GYG1: variants seen among roughly 807,000 people sequenced by gnomAD.
The protein encoded by GYG1 is glycogenin 1.
GYG1 carries 44 observed loss-of-function variants against 41.9 expected under a neutral mutation model. The observed-to-expected ratio is 1.05, with a 90% CI of 0.83 to 1.35. The LOEUF (loss-of-function observed/expected upper bound fraction) is 1.35, where lower values mean the gene tolerates loss of function less well. Ranked by LOEUF, GYG1 falls within the 40% of genes most tolerant of loss-of-function variation. The pLI, the probability that GYG1 is intolerant of heterozygous loss-of-function variation, is 0.00. For synonymous variants in GYG1, 141 were observed against 158.1 expected, an observed-to-expected ratio of 0.89 and a Z score of 0.81; for missense variants, 429 against 418.9, an observed-to-expected ratio of 1.02 and a Z score of -0.21.
Position 149,026,599 on chromosome 3 carries a change from T to C in GYG1, c.879+97T>C. 2.9e-6 allele frequency: 3 copies of C among 1,023,746 alleles called. No homozygotes were observed. The South Asian group carries it at 3.9e-5, about 13-fold the overall frequency. 63.4% of individuals were successfully genotyped at this position (1,023,746 alleles called of 1,614,324 possible). On this transcript the variant is annotated intron_variant, in intron 7 of 7. Coordinates refer to ENST00000345003, the MANE Select transcript of GYG1 (RefSeq NM_004130.4). ...ATTTTGTTAGGAAAAAATCATATAA[T>C]CTATATTTTTGTGTCTTTTTTGTTT...
chr3:149,008,983 C>T (rs1713562788), intron 4 of GYG1: 6 of 332,468 alleles, frequency 1.8e-5, no homozygotes, highest in South Asian at 1.5e-4. Context: ...CACGGTGAAA[C>T]CCCATCTCTA....
In GYG1 at chr3:148,991,570, C is replaced by G. The variant is rs1487488474; in HGVS notation, c.-71C>G. ...GCCGTGCCTCCTCGCTGGCCGCGCTCCCTCCCGGTGCCGGCTTCTCTGAGT... is the reference window on the plus strand; with the variant it reads ...GCCGTGCCTCCTCGCTGGCCGCGCTGCCTCCCGGTGCCGGCTTCTCTGAGT... On this transcript the variant is annotated 5_prime_UTR_variant, in exon 1 of 8. Transcript: ENST00000345003. The G allele has an allele frequency of 5.2e-6, 8 of 1,533,088 alleles. No individual in the cohort carries two copies. The highest frequency in any genetic ancestry group is 1.4e-5 in the African/African-American group (1 of 72,162). The allele number at this position is 1,533,088 out of a possible 1,614,324, so 95.0% of individuals were successfully genotyped here.
chr3:149,007,419 T>C (rs16861273), intron 4 of GYG1, among the ~76,000 whole-genome samples: 3,071 of 152,338 alleles, frequency 0.02, 108 homozygotes, highest in African/African-American at 0.07. Context: ...TTGTTCGTCC[T>C]TTGAGGAACA....
intron 5 of GYG1, among the ~76,000 whole-genome samples, chr3:149,017,112 A>T (rs1008528489): frequency 1.8e-4 from 27 of 152,228 alleles, no homozygotes; most frequent in African/African-American, 6.3e-4. Context: ...AGTCTCATCC[A>T]CATGTTACTG....
intron 5 of GYG1, among the ~76,000 whole-genome samples, chr3:149,020,314 T>C (rs1222084245): frequency 6.6e-6 from 1 of 152,236 alleles, no homozygotes; most frequent in Non-Finnish European, 1.5e-5. Flanking sequence ...AAATTAATTG[T>C]CCATAGGCAG....
intron 5 of GYG1, among the ~76,000 whole-genome samples, chr3:149,022,582 G>A (rs750777992): frequency 5.2e-5 from 7 of 133,386 alleles, no homozygotes; most frequent in South Asian, 2.4e-4. Context: ...TGCAACCTCC[G>A]ACTCCCGGGT....
At chr3:149,011,137 C>A (rs1269238315) in intron 5 of GYG1, among the ~76,000 whole-genome samples, 1 of 152,192 alleles carries the variant, frequency 6.6e-6, no homozygotes, top group Admixed American at 6.5e-5. Flanking sequence ...AACACACCAA[C>A]TGTGTTCTGA....
At position 148,996,479 on chromosome 3, in the gene GYG1, G is replaced by T; in HGVS notation, c.318+3G>T. 6.2e-7 allele frequency: 1 copy of T among 1,612,098 alleles called. No homozygotes were observed. Reference sequence around the variant, plus strand: ...TATTCATGGATGCAGATACTCTGGTGAGTGTGGCTTTGAGGGTAGAAAAGA... The same window carrying T: ...TATTCATGGATGCAGATACTCTGGTTAGTGTGGCTTTGAGGGTAGAAAAGA... On this transcript the variant is annotated splice_donor_region_variant and intron_variant, in intron 3 of 7. Transcript: ENST00000345003.
At chr3:149,010,029 C>A (rs1713628256) in intron 5 of GYG1, among the ~76,000 whole-genome samples, 1 of 152,154 alleles carries the variant, frequency 6.6e-6, no homozygotes, top group African/African-American at 2.4e-5. Context: ...CCTGGTCTAC[C>A]CAACTGCTCA....
intron 5 of GYG1, among the ~76,000 whole-genome samples, chr3:149,010,826 G>A (rs1332837653): frequency 6.6e-6 from 1 of 152,170 alleles, no homozygotes; most frequent in Non-Finnish European, 1.5e-5. Flanking sequence ...TCACTGAGTT[G>A]GGCCAATCTC....
intron 1 of GYG1, 38 bp from the exon 2 acceptor site, chr3:148,994,104 G>C: frequency 1.9e-6 from 3 of 1,595,586 alleles, no homozygotes. Flanking sequence ...CTCCAGATAA[G>C]ATACTGTAAT....
Position 148,991,580 on chromosome 3 carries a change from G to A in GYG1, c.-61G>A, listed in dbSNP as rs919946154. On this transcript the variant is annotated 5_prime_UTR_variant, in exon 1 of 8. Transcript: ENST00000345003. ...CTCGCTGGCCGCGCTCCCTCCCGGT[G>A]CCGGCTTCTCTGAGTCACCAACCTG... 1.3e-6 allele frequency: 2 copies of A among 1,541,940 alleles called. No individual in the cohort carries two copies. Among genetic ancestry groups the A allele is most frequent in the Admixed American group, 3.8e-5 (2 of 52,808 alleles).
rs757173668 is a variant in GYG1, at chr3:149,026,853, T to C, written c.973T>C (p.Trp325Arg). ...ATCCTCGGAAGAACGGAAGGAACGA[T>C]GGGAACAGGGCCAGGCTGATTATAT... is the stretch of plus-strand genomic sequence containing the variant. Reference protein sequence around the residue: ...FVSSEERKERWEQGQADYMGA... With the variant: ...FVSSEERKERREQGQADYMGA... Residue 325 changes from tryptophan to arginine, a missense_variant, in exon 8 of 8, where the codon TGG (tryptophan) becomes CGG (arginine). By Grantham distance (101) the Trp-to-Arg change is moderately radical (BLOSUM62 -3). Transcript: ENST00000345003. 6 of 1,613,964 alleles carry C rather than the reference T, an allele frequency of 3.7e-6. No homozygotes were observed. Among genetic ancestry groups the C allele is most frequent in the East Asian group, 4.5e-5 (2 of 44,880 alleles).
At chr3:148,997,489 CAT>C (rs1712875131) in intron 4 of GYG1, among the ~76,000 whole-genome samples, 1 of 152,164 alleles carries the variant, frequency 6.6e-6, no homozygotes, top group African/African-American at 2.4e-5. Flanking sequence ...TTTTCTATAA[CAT>C]ATAAATGTAT....
In GYG1 at chr3:149,023,979, G is replaced by A. The variant is rs930068857; in HGVS notation, c.609-74G>A. 3 of 990,666 alleles carry A rather than the reference G, an allele frequency of 3.0e-6. No homozygotes were observed. The African/African-American group carries it at 4.8e-5, about 16-fold the overall frequency. The allele number at this position is 990,666 out of a possible 1,614,324, so 61.4% of individuals were successfully genotyped here. On this transcript the variant is annotated intron_variant, in intron 5 of 7. Coordinates refer to ENST00000345003, the MANE Select transcript of GYG1 (RefSeq NM_004130.4). ...TTAAGAAAGAAAGCTATAGAAAAGT[G>A]CTACTAAGTGCTGCTTATCTTTTTG...
intron 4 of GYG1, 108 bp from the exon 5 acceptor site, chr3:149,009,168 A>G (rs1170432274): frequency 9.7e-6 from 9 of 931,058 alleles, no homozygotes; most frequent in Admixed American, 7.1e-5. Flanking sequence ...CAAAAAAAAA[A>G]AAAAAATGGA....
chr3:148,997,265 A>G (rs769885796), intron 4 of GYG1, among the ~76,000 whole-genome samples: 26 of 152,196 alleles, frequency 1.7e-4, no homozygotes, highest in Non-Finnish European at 2.9e-4. Flanking sequence ...CGTAAGCTCA[A>G]GAGAGTTTGA....
At position 149,026,105 on chromosome 3, in the gene GYG1, C is replaced by T. The variant is rs550404914; in HGVS notation, c.829-347C>T. Among the ~76,000 whole-genome samples the T allele has an allele frequency of 8.5e-5, 13 of 152,230 alleles. 1 individual carries two copies. Among genetic ancestry groups the T allele is most frequent in the African/African-American group, 2.2e-4 (9 of 41,526 alleles). On this transcript the variant is annotated intron_variant, in intron 6 of 7. Coordinates refer to ENST00000345003, the MANE Select transcript of GYG1 (RefSeq NM_004130.4). Reference sequence around the variant, plus strand: ...ACATACCTATATGCTTACGTATATACGTAATTATGAACCAAGGAAAGGTGA... The same window carrying T: ...ACATACCTATATGCTTACGTATATATGTAATTATGAACCAAGGAAAGGTGA...
At chr3:148,996,079 C>G (rs1248100938) in intron 2 of GYG1, among the ~76,000 whole-genome samples, 1 of 152,194 alleles carries the variant, frequency 6.6e-6, no homozygotes, top group African/African-American at 2.4e-5. Flanking sequence ...TTCATCCTCA[C>G]CATAAGCAGT....
Sources: gnomAD v4.1 joint callset for allele counts (sites outside exome capture counted in the v4.1 genomes callset) on GRCh38, gnomAD v4.1.1 for gene constraint, MANE v1.5 for transcripts, NCBI Gene and HGNC (gene_info 2026-07-23, HGNC 2026-07-21) for gene names.